The following GABRA5 variants were observed in gnomAD, a reference collection of about 807,000 sequenced individuals.
GABRA5 encodes gamma-aminobutyric acid receptor subunit alpha-5.
In GABRA5, 18 loss-of-function variants were observed where a neutral mutation model predicts 47.3. The observed-to-expected ratio is 0.38, with a 90% confidence interval of 0.26 to 0.56. The LOEUF is 0.56. Ranked by LOEUF, GABRA5 falls within the 20% of genes least tolerant of loss-of-function variation. The pLI is 0.71. For missense variants in GABRA5, 365 were observed against 599.3 expected (o/e 0.61, Z 4.08); for synonymous variants, 237 against 229.3 (o/e 1.03, Z -0.30).
chr15:26,937,405 CCT>C, intron 8 of GABRA5, 77 bp downstream of exon 8: 1 of 1,458,466 alleles, frequency 6.9e-7, no homozygotes, highest in East Asian at 2.4e-5. Flanking sequence ...GCTCCCAGCA[CCT>C]CTCTGCAGGG....
intron 8 of GABRA5, 21 bp from the exon 9 acceptor site, chr15:26,939,904 C>T (rs368433344): frequency 1.2e-6 from 2 of 1,613,216 alleles, no homozygotes; most frequent in Non-Finnish European, 1.7e-6. Context: ...GACTGATGTG[C>T]AGTCATTTGC....
intron 6 of GABRA5, among the ~76,000 whole-genome samples, chr15:26,897,367 C>A (rs1181650360): frequency 6.6e-6 from 1 of 152,136 alleles, no homozygotes; most frequent in Non-Finnish European, 1.5e-5. Context: ...TGCGAGGACA[C>A]AGGGAGAGGA....
intron 6 of GABRA5, among the ~76,000 whole-genome samples, chr15:26,894,909 T>C (rs144090138): frequency 0.068 from 10,386 of 152,100 alleles, 521 homozygotes; most frequent in African/African-American, 0.14. Context: ...CTTCTGTCTA[T>C]TTTATTTTCT....
In GABRA5 at chr15:26,867,091, G is replaced by A. The variant is rs1349410531; in HGVS notation, c.-160G>A. 3 of 152,232 alleles carry A rather than the reference G, an allele frequency of 2.0e-5. No homozygotes were observed. The highest frequency in any genetic ancestry group is 1.3e-4 in the Admixed American group (2 of 15,248). 9.4% of individuals were successfully genotyped at this position (152,232 alleles called of 1,614,324 possible). A position where few individuals can be genotyped will look rare whatever the true frequency, so the allele number is the denominator to read the frequency against. On this transcript the variant is annotated 5_prime_UTR_variant, in exon 1 of 11. Coordinates refer to ENST00000335625, the MANE Select transcript of GABRA5 (RefSeq NM_000810.4). The surrounding 1 kb of genome is among the most constrained non-coding windows in gnomAD (Gnocchi z 5.9). ...AGGGCCGATCCTCCAGCCCAGAGAC[G>A]ACATGTGGCGCTCGGGCGAGGTGAG...
intron 10 of GABRA5, among the ~76,000 whole-genome samples, chr15:26,946,789 C>A (rs200429259): frequency 5.3e-5 from 8 of 149,946 alleles, no homozygotes; most frequent in Admixed American, 3.3e-4. Flanking sequence ...ATTTTATATC[C>A]AAAAAAAAAA....
intron 6 of GABRA5, among the ~76,000 whole-genome samples, chr15:26,911,977 G>A (rs1158352040): frequency 6.6e-6 from 1 of 152,206 alleles, no homozygotes; most frequent in South Asian, 2.1e-4. Context: ...GACTCAAAGA[G>A]TAAAGCCAGG....
At position 26,869,258 on chromosome 15, in the gene GABRA5, G is replaced by T; in HGVS notation, c.10G>T (p.Gly4Ter). The change falls in exon 3 of 11, where the codon GGA becomes TGA. Residue 4 changes from glycine to a stop codon, truncating the protein, a stop_gained. Coordinates refer to ENST00000335625, the MANE Select transcript of GABRA5 (RefSeq NM_000810.4). LOFTEE classifies it high-confidence loss of function. The part of the protein sequence containing the change: MDN[G>*]MFSGFIMIKN... Reference sequence around the variant, plus strand: ...ACTATTCTTATTGGGAATGGACAATGGAATGTTCTCTGGTTTTATCATGAT... The same window carrying T: ...ACTATTCTTATTGGGAATGGACAATTGAATGTTCTCTGGTTTTATCATGAT... The T allele has an allele frequency of 6.3e-7, 1 of 1,591,056 alleles. No individual in the cohort carries two copies.
At chr15:26,868,330 C>T (rs903501233) in intron 1 of GABRA5, among the ~76,000 whole-genome samples, 1 of 152,094 alleles carries the variant, frequency 6.6e-6, no homozygotes, top group Non-Finnish European at 1.5e-5. Flanking sequence ...GCCTTCGCTT[C>T]CGAGGTGGAA....
chr15:26,945,271 G>A (rs112767658), intron 10 of GABRA5, among the ~76,000 whole-genome samples: 277 of 152,300 alleles, frequency 1.8e-3, no homozygotes, highest in African/African-American at 6.3e-3. Context: ...AGACACTGGC[G>A]CGAGCGTGAA....
chr15:26,888,131 A>T (rs1448955929), intron 6 of GABRA5, among the ~76,000 whole-genome samples: 1 of 152,244 alleles, frequency 6.6e-6, no homozygotes, highest in Non-Finnish European at 1.5e-5. Context: ...AATGTCTGGC[A>T]GTGAGCCCGA....
chr15:26,869,732 T>A (rs1240186717), intron 3 of GABRA5, among the ~76,000 whole-genome samples: 1 of 152,240 alleles, frequency 6.6e-6, no homozygotes, highest in Admixed American at 6.5e-5. Context: ...CATTATGCAA[T>A]CAAAGTTGCC....
intron 3 of GABRA5, among the ~76,000 whole-genome samples, chr15:26,871,574 G>A (rs1436077100): frequency 3.3e-5 from 5 of 152,252 alleles, no homozygotes; most frequent in African/African-American, 7.2e-5. Context: ...TACAGAAGTC[G>A]ATAATGAAAG....
intron 3 of GABRA5, among the ~76,000 whole-genome samples, chr15:26,870,378 T>C (rs886789210): frequency 6.6e-6 from 1 of 152,228 alleles, no homozygotes; most frequent in Non-Finnish European, 1.5e-5. Flanking sequence ...CAGTGGCTGG[T>C]AGAAGACAGC....
chr15:26,875,888 G>A (rs540294026), intron 3 of GABRA5, among the ~76,000 whole-genome samples: 1 of 152,262 alleles, frequency 6.6e-6, no homozygotes, highest in East Asian at 1.9e-4. Context: ...CTTAAACGTT[G>A]AAGCTCACTC....
chr15:26,872,795 C>A (rs187892214), intron 3 of GABRA5, among the ~76,000 whole-genome samples: 154 of 152,238 alleles, frequency 1.0e-3, no homozygotes, highest in African/African-American at 3.4e-3. Context: ...GTGCGTGGAC[C>A]AAGTCGAAAT....
Position 26,883,159 on chromosome 15 carries a change from C to A in GABRA5, c.209-7C>A, listed in dbSNP as rs187470468. Reference sequence around the variant, plus strand: ...GTGCAGCCCAGGGACCTGTGTCTGTCTTTCAGAGCGCATCACTCAGGTGAG... The same window carrying A: ...GTGCAGCCCAGGGACCTGTGTCTGTATTTCAGAGCGCATCACTCAGGTGAG... On this transcript the variant is annotated splice_polypyrimidine_tract_variant and splice_region_variant and intron_variant, in intron 4 of 10. Transcript: ENST00000335625. This position sits in a 1 kb window ranked among gnomAD's most constrained non-coding sequence, Gnocchi z 4.8. 1 of 1,613,290 alleles carries A rather than the reference C, an allele frequency of 6.2e-7. No homozygotes were observed. The highest frequency in any genetic ancestry group is 1.7e-5 in the Admixed American group (1 of 60,006).
At chr15:26,935,307 C>T (rs547028887) in intron 7 of GABRA5, among the ~76,000 whole-genome samples, 3 of 152,310 alleles carry the variant, frequency 2.0e-5, no homozygotes, top group South Asian at 4.1e-4. Context: ...AACAAGATCA[C>T]GTGAATTATG....
At chr15:26,905,094 T>A (rs1893412645) in intron 6 of GABRA5, among the ~76,000 whole-genome samples, 1 of 152,164 alleles carries the variant, frequency 6.6e-6, no homozygotes, top group Non-Finnish European at 1.5e-5. Flanking sequence ...GACTGTGGAT[T>A]TGTCATAGAT....
At chr15:26,893,291 G>GTGTATGGTGTGTAGTA in intron 6 of GABRA5, among the ~76,000 whole-genome samples, 1 of 45,194 alleles carries the variant, frequency 2.2e-5, no homozygotes, top group Non-Finnish European at 5.3e-5. Flanking sequence ...GGCATATGGC[G>GTGTATGGTGTGTAGTA]TGTGTGTATA....
Sources: gnomAD v4.1 joint callset for allele counts (sites outside exome capture counted in the v4.1 genomes callset) on GRCh38, gnomAD v4.1.1 for gene constraint, Gnocchi (gnomAD v3.1) non-coding constraint, MANE v1.5 for transcripts, NCBI Gene and HGNC (gene_info 2026-07-23, HGNC 2026-07-21) for gene names.